The following KDM3B variants were observed in gnomAD, a reference collection of about 807,000 sequenced individuals.
The protein encoded by KDM3B is lysine-specific demethylase 3B.
KDM3B carries 10 observed loss-of-function variants against 170.0 expected under a neutral mutation model. The observed-to-expected ratio is 0.06, with a 90% confidence interval of 0.04 to 0.10. The LOEUF is 0.10. KDM3B is among the 10% of genes least tolerant of loss of function. The pLI, the probability that KDM3B is intolerant of heterozygous loss-of-function variation, is 1.00. For synonymous variants in KDM3B, 831 were observed against 834.8 expected, an observed-to-expected ratio of 1.00 and a Z score of 0.08; for missense variants, 1,394 against 2,195.2, an observed-to-expected ratio of 0.64 and a Z score of 7.29.
chr5:138,366,007 TAAATA>T (rs1420973351), intron 1 of KDM3B, among the ~76,000 whole-genome samples: 1 of 151,846 alleles, frequency 6.6e-6, no homozygotes, highest in Admixed American at 6.6e-5. Flanking sequence ...AATAAATAAA[TAAATA>T]AAATCTTTTT....
At chr5:138,399,554 A>AT (rs1762630686) in intron 10 of KDM3B, among the ~76,000 whole-genome samples, 1 of 151,814 alleles carries the variant, frequency 6.6e-6, no homozygotes, top group African/African-American at 2.4e-5. Flanking sequence ...ATATATATAT[A>AT]TATTTTTTTA....
At chr5:138,421,005 A>G in intron 15 of KDM3B, 43 bp downstream of exon 15, 1 of 1,606,742 alleles carries the variant, frequency 6.2e-7, no homozygotes, top group Non-Finnish European at 8.5e-7. Context: ...CTTTTCCATG[A>G]AAGAACCATC....
At chr5:138,412,192 T>A (rs921705440) in intron 11 of KDM3B, among the ~76,000 whole-genome samples, 1 of 150,316 alleles carries the variant, frequency 6.7e-6, no homozygotes, top group Non-Finnish European at 1.5e-5. Flanking sequence ...AAAAATTAGC[T>A]GGGCGTGGTG....
At chr5:138,392,411 G>T in intron 8 of KDM3B, 150 bp downstream of exon 8, 1 of 758,508 alleles carries the variant, frequency 1.3e-6, no homozygotes, top group East Asian at 3.0e-5. Flanking sequence ...GAGGCCCCTC[G>T]TCAGGCCTGG....
At chr5:138,359,039 C>T (rs1381356755) in intron 1 of KDM3B, among the ~76,000 whole-genome samples, 5 of 149,486 alleles carry the variant, frequency 3.3e-5, no homozygotes, top group Middle Eastern at 3.4e-3. Context: ...TGAGAATATG[C>T]GGTGTTTGTT....
chr5:138,399,563 T>C (rs1346666407), intron 10 of KDM3B, among the ~76,000 whole-genome samples: 1 of 152,022 alleles, frequency 6.6e-6, no homozygotes, highest in Non-Finnish European at 1.5e-5. Context: ...TATATTTTTT[T>C]ACAATTCCTT....
At chr5:138,392,982 A>C (rs1289743492) in intron 8 of KDM3B, among the ~76,000 whole-genome samples, 189 bp from the exon 9 acceptor site, 3 of 152,208 alleles carry the variant, frequency 2.0e-5, no homozygotes, top group Non-Finnish European at 4.4e-5. Context: ...CATGGTTCTT[A>C]GCTCCCAATG....
At chr5:138,363,874 G>T (rs1291119845) in intron 1 of KDM3B, among the ~76,000 whole-genome samples, 3 of 150,524 alleles carry the variant, frequency 2.0e-5, no homozygotes, top group Non-Finnish European at 3.0e-5. Context: ...TTTGAGTTTT[G>T]CTTTTTCATT....
intron 20 of KDM3B, among the ~76,000 whole-genome samples, chr5:138,429,569 G>A (rs1002574189): frequency 1.3e-5 from 2 of 152,134 alleles, no homozygotes; most frequent in Non-Finnish European, 2.9e-5. Flanking sequence ...ATAAGATATG[G>A]CAACACAGTT....
In KDM3B at chr5:138,352,767, C is replaced by A; in HGVS notation, c.-29C>A. ...GGCGGAGGTGGTGGGAGGCGGCGGGCGGGAGCGCGGGTCAGGCCGGCCCCG... is the reference window on the plus strand; with the variant it reads ...GGCGGAGGTGGTGGGAGGCGGCGGGAGGGAGCGCGGGTCAGGCCGGCCCCG... On this transcript the variant is annotated 5_prime_UTR_variant, in exon 1 of 24. Coordinates refer to ENST00000314358, the MANE Select transcript of KDM3B (RefSeq NM_016604.4). 1 of 871,432 alleles carries A rather than the reference C, an allele frequency of 1.1e-6. No homozygotes were observed. Among genetic ancestry groups the A allele is most frequent in the Non-Finnish European group, 1.4e-6 (1 of 723,988 alleles). The allele number at this position is 871,432 out of a possible 1,614,324, so 54.0% of individuals were successfully genotyped here. A position where few individuals can be genotyped will look rare whatever the true frequency, so the allele number is the denominator to read the frequency against.
chr5:138,378,455 T>A (rs933575670), intron 4 of KDM3B, among the ~76,000 whole-genome samples: 1 of 152,192 alleles, frequency 6.6e-6, no homozygotes, highest in Non-Finnish European at 1.5e-5. Flanking sequence ...AAAAAAATTA[T>A]TAGCTTTCAA....
At chr5:138,355,007 C>G (rs1561751750) in intron 1 of KDM3B, among the ~76,000 whole-genome samples, 1 of 151,862 alleles carries the variant, frequency 6.6e-6, no homozygotes, top group East Asian at 1.9e-4. Context: ...GGGCCGTTTT[C>G]TTTTTTTCTC....
At chr5:138,403,432 T>C (rs923041449) in intron 11 of KDM3B, among the ~76,000 whole-genome samples, 3 of 151,968 alleles carry the variant, frequency 2.0e-5, no homozygotes, top group Non-Finnish European at 2.9e-5. Flanking sequence ...TCTCAGCACT[T>C]TGGGAGGCCC....
intron 7 of KDM3B, among the ~76,000 whole-genome samples, chr5:138,388,595 T>A (rs1310487116): frequency 2.0e-5 from 3 of 146,592 alleles, no homozygotes; most frequent in African/African-American, 7.7e-5. Flanking sequence ...GAGCCAAGAT[T>A]GTGCCACTGC....
intron 1 of KDM3B, among the ~76,000 whole-genome samples, chr5:138,362,788 T>C (rs1212000346): frequency 6.7e-6 from 1 of 149,522 alleles, no homozygotes; most frequent in Non-Finnish European, 1.5e-5. Flanking sequence ...GTGCACAACG[T>C]GCAGGTTTGT....
intron 14 of KDM3B, 32 bp downstream of exon 14, chr5:138,419,264 T>C (rs1057430124): frequency 6.3e-7 from 1 of 1,585,892 alleles, no homozygotes; most frequent in Non-Finnish European, 8.6e-7. Context: ...GCTCTGCCTA[T>C]GGTAGAAATC....
chr5:138,429,212 C>G (rs569832974), intron 20 of KDM3B, among the ~76,000 whole-genome samples: 5 of 151,960 alleles, frequency 3.3e-5, no homozygotes, highest in Non-Finnish European at 5.9e-5. Flanking sequence ...CCACCATACT[C>G]GGCTAATTTT....
chr5:138,377,002 C>G (rs1226680381), intron 3 of KDM3B, among the ~76,000 whole-genome samples: 1 of 152,134 alleles, frequency 6.6e-6, no homozygotes. Flanking sequence ...TGAGACAGAC[C>G]AGAGCAGTTA....
Position 138,386,460 on chromosome 5 carries a change from G to A in KDM3B, c.1219G>A (p.Gly407Arg). The A allele has an allele frequency of 6.2e-7, 1 of 1,614,172 alleles. No homozygotes were observed. Among genetic ancestry groups the A allele is most frequent in the Non-Finnish European group, 8.5e-7 (1 of 1,180,028 alleles). ...EVGGAENKEA[G>R]KTLEQVGQGI... ...GGGTGGAGCCGAAAACAAAGAGGCA[G>A]GAAAAACACTGGAACAAGTTGGCCA... The change falls in exon 7 of 24, where the codon GGA becomes AGA. Residue 407 changes from glycine to arginine, a missense_variant. Physicochemically the swap from Gly to Arg is moderately radical, Grantham distance 125 (BLOSUM62 -2). Around this residue, in one of 19 missense-constraint regions of KDM3B, gnomAD observed 205 missense variants for 227.6 expected, o/e 0.90. Transcript: ENST00000314358.
Sources: gnomAD v4.1 joint callset for allele counts (sites outside exome capture counted in the v4.1 genomes callset) on GRCh38, gnomAD v4.1.1 for gene constraint, gnomAD v4.1.1 regional missense constraint, MANE v1.5 for transcripts, NCBI Gene and HGNC (gene_info 2026-07-23, HGNC 2026-07-21) for gene names.